The following PIK3R3 variants were observed in gnomAD, a reference collection of about 807,000 sequenced individuals.
The protein encoded by PIK3R3 is phosphatidylinositol 3-kinase regulatory subunit gamma.
PIK3R3 carries 64 observed loss-of-function variants against 62.9 expected under a neutral mutation model. That is an observed-to-expected ratio of 1.02 (90% confidence interval 0.83 to 1.25). PIK3R3 has a LOEUF of 1.25. PIK3R3 is among the 50% of genes most tolerant of loss of function. PIK3R3 has a pLI of 0.00. For synonymous variants in PIK3R3, 165 were observed against 189.0 expected (o/e 0.87, Z 1.04); for missense variants, 614 against 561.6 (o/e 1.09, Z -0.94).
chr1:46,041,779 C>T lies in PIK3R3; in HGVS notation c.*1894G>A, dbSNP rs1647001121. The T allele has an allele frequency of 4.8e-6, 1 of 207,120 alleles. No individual in the cohort carries two copies. Among genetic ancestry groups the T allele is most frequent in the Non-Finnish European group, 9.9e-6 (1 of 101,268 alleles). 12.8% of individuals were successfully genotyped at this position (207,120 alleles called of 1,614,324 possible). A position where few individuals can be genotyped will look rare whatever the true frequency, so the allele number is the denominator to read the frequency against. On this transcript the variant is annotated 3_prime_UTR_variant, in exon 10 of 10. Transcript: ENST00000262741. The stretch of plus-strand genomic sequence containing the variant: ...AGTTAAATGACTTTAGAGGGGGGTT[C>T]ATTTGTCTCTGTCTCACCCAATCCT...
chr1:46,091,903 A>C (rs1324220900), intron 1 of PIK3R3, among the ~76,000 whole-genome samples: 1 of 152,218 alleles, frequency 6.6e-6, no homozygotes, highest in Non-Finnish European at 1.5e-5. Flanking sequence ...AATAATTGTT[A>C]TACTATATTT....
intron 1 of PIK3R3, among the ~76,000 whole-genome samples, chr1:46,130,396 A>C (rs917314177): frequency 1.1e-4 from 16 of 152,208 alleles, no homozygotes; most frequent in Non-Finnish European, 2.1e-4. Context: ...CAAATCTTAC[A>C]AACTTTACAA....
chr1:46,060,912 T>C (rs1281381934), intron 6 of PIK3R3, among the ~76,000 whole-genome samples: 1 of 152,244 alleles, frequency 6.6e-6, no homozygotes, highest in African/African-American at 2.4e-5. Context: ...CTCAACCCAC[T>C]ATAATCTAGC....
At chr1:46,085,877 C>G (rs1651002937) in intron 1 of PIK3R3, among the ~76,000 whole-genome samples, 2 of 152,082 alleles carry the variant, frequency 1.3e-5, no homozygotes, top group South Asian at 4.1e-4. Flanking sequence ...ATTTCTCTTT[C>G]CATTTTTAGA....
chr1:46,084,451 A>C (rs780895126), intron 1 of PIK3R3, among the ~76,000 whole-genome samples: 3 of 152,310 alleles, frequency 2.0e-5, no homozygotes, highest in Non-Finnish European at 4.4e-5. Flanking sequence ...AATAAATATC[A>C]GGCTTCTGAC....
intron 1 of PIK3R3, among the ~76,000 whole-genome samples, chr1:46,093,582 C>T (rs1651836929): frequency 6.6e-6 from 1 of 152,014 alleles, no homozygotes; most frequent in South Asian, 2.1e-4. Flanking sequence ...ATACTAAGAA[C>T]ATAAATTATT....
chr1:46,065,992 G>A (rs889954935), intron 5 of PIK3R3, 62 bp downstream of exon 5: 20 of 1,490,184 alleles, frequency 1.3e-5, no homozygotes, highest in Admixed American at 3.4e-5. Context: ...GTGAATGATC[G>A]AAAATTTGAT....
rs541697508 is a variant in PIK3R3, at chr1:46,098,786, A to G, written c.107-18036T>C. Among the ~76,000 whole-genome samples, 4 of 152,256 alleles carry G rather than the reference A, an allele frequency of 2.6e-5. No homozygotes were observed. In the East Asian group the frequency reaches 5.8e-4, roughly 22 times the overall value. On this transcript the variant is annotated intron_variant, in intron 1 of 9. Coordinates refer to ENST00000262741, the MANE Select transcript of PIK3R3 (RefSeq NM_003629.4). ...TGGCACTATCATAGCTGACAACCTC[A>G]AACTACTGAGTTCAAGCGATCCTCC...
rs562928196 is a variant in PIK3R3, at chr1:46,084,924, A to T, written c.107-4174T>A. 8.5e-5 allele frequency among the ~76,000 whole-genome samples: 13 copies of T among 152,314 alleles called. No homozygotes were observed. The South Asian group carries it at 2.5e-3, about 29-fold the overall frequency. ...TGTATCAGCAGGTGGGTTACACTCT[A>T]ATCACCTTCAAACGGTGTTATGGAG... On this transcript the variant is annotated intron_variant, in intron 1 of 9. Transcript: ENST00000262741.
At chr1:46,168,781 G>C in the PIK3R3 span, among the ~76,000 whole-genome samples, 18 of 152,196 alleles carry the variant, frequency 1.2e-4, no homozygotes, top group Admixed American at 5.2e-4. Context: ...ACTAGCTCCA[G>C]CTGGGGATGG....
chr1:46,141,223 A>G, the PIK3R3 span, among the ~76,000 whole-genome samples: 1 of 151,668 alleles, frequency 6.6e-6, no homozygotes, highest in African/African-American at 2.4e-5. Context: ...AGGAAATGAT[A>G]CAACCACCAT....
At chr1:46,081,407 A>G (rs1033198932) in intron 1 of PIK3R3, among the ~76,000 whole-genome samples, 3 of 152,186 alleles carry the variant, frequency 2.0e-5, no homozygotes, top group Admixed American at 1.3e-4. Flanking sequence ...AAAGCGCCAC[A>G]CAGCAGGAAG....
chr1:46,121,354 T>A (rs939260582), intron 1 of PIK3R3, among the ~76,000 whole-genome samples: 1 of 152,132 alleles, frequency 6.6e-6, no homozygotes, highest in Non-Finnish European at 1.5e-5. Flanking sequence ...CTATCCTCTA[T>A]GGAAAAAAAA....
chr1:46,172,710 G>A, the PIK3R3 span, among the ~76,000 whole-genome samples: 1 of 152,080 alleles, frequency 6.6e-6, no homozygotes, highest in Non-Finnish European at 1.5e-5. Context: ...GCAGGGGAAA[G>A]GGCTGAGCCA....
intron 9 of PIK3R3, among the ~76,000 whole-genome samples, chr1:46,045,103 G>C (rs1476520228): frequency 6.6e-6 from 1 of 152,132 alleles, no homozygotes; most frequent in African/African-American, 2.4e-5. Context: ...ACTGTTAAAA[G>C]CATATTGTAT....
the PIK3R3 span, among the ~76,000 whole-genome samples, chr1:46,158,038 A>C: frequency 1.3e-5 from 2 of 151,844 alleles, no homozygotes; most frequent in African/African-American, 4.8e-5. Context: ...TTCTATCATC[A>C]CTTCTCTCCA....
chr1:46,042,243 T>TA lies in PIK3R3; in HGVS notation c.*1429dup, dbSNP rs2149368291. On this transcript the variant is annotated 3_prime_UTR_variant, in exon 10 of 10. Transcript: ENST00000262741. This position sits in a 1 kb window ranked among gnomAD's most constrained non-coding sequence, Gnocchi z 4.3. ...CCTAGCTTCACTCAGCTGGAAGGCT[T>TA]AAGCCACATGGAGCAGAAGATTCCT... 4.4e-6 allele frequency: 1 copy of TA among 226,888 alleles called. No homozygotes were observed. The highest frequency in any genetic ancestry group is 6.3e-5 in the East Asian group (1 of 15,818). 14.1% of individuals were successfully genotyped at this position (226,888 alleles called of 1,614,324 possible).
intron 1 of PIK3R3, among the ~76,000 whole-genome samples, chr1:46,106,992 C>G (rs1434185197): frequency 2.0e-5 from 3 of 152,044 alleles, no homozygotes; most frequent in Non-Finnish European, 4.4e-5. Context: ...AACTCCTGAC[C>G]TCAGATGATC....
At chr1:46,155,667 G>T in the PIK3R3 span, among the ~76,000 whole-genome samples, 1 of 152,042 alleles carries the variant, frequency 6.6e-6, no homozygotes, top group Non-Finnish European at 1.5e-5. Flanking sequence ...TTGTCAAGTT[G>T]CCCAGGCTGG....
Sources: allele counts gnomAD v4.1 joint callset (sites outside exome capture counted in the v4.1 genomes callset), GRCh38; gene constraint gnomAD v4.1.1; non-coding constraint Gnocchi (gnomAD v3.1); transcripts MANE v1.5; gene names NCBI Gene and HGNC (gene_info 2026-07-23, HGNC 2026-07-21).